CSMD3: variants seen among roughly 807,000 people sequenced by gnomAD.
The protein encoded by CSMD3 is CUB and Sushi multiple domains 3.
CSMD3 carries 177 observed loss-of-function variants against 435.2 expected under a neutral mutation model. That is an observed-to-expected ratio of 0.41 (90% CI 0.36 to 0.46). The LOEUF (loss-of-function observed/expected upper bound fraction) is 0.46. CSMD3 is among the 20% of genes least tolerant of loss of function. CSMD3 has a pLI of 0.34. For synonymous variants in CSMD3, 1,656 were observed against 1,520.5 expected (o/e 1.09, Z -2.07); for missense variants, 4,265 against 4,504.6 (o/e 0.95, Z 1.52).
At chr8:113,323,928 A>T (rs532682371) in intron 1 of CSMD3, among the ~76,000 whole-genome samples, 1 of 152,318 alleles carries the variant, frequency 6.6e-6, no homozygotes, top group South Asian at 2.1e-4. Context: ...TCAATACATG[A>T]ATGAATGAAT....
At chr8:113,233,726 G>T (rs1017082568) in intron 3 of CSMD3, among the ~76,000 whole-genome samples, 33 of 151,716 alleles carry the variant, frequency 2.2e-4, no homozygotes, top group African/African-American at 7.7e-4. Flanking sequence ...ATAAAAAAAT[G>T]CAACTTGAAA....
At position 112,947,808 on chromosome 8, in the gene CSMD3, C is replaced by T. The variant is rs144548295; in HGVS notation, c.1490G>A (p.Arg497Lys). 1 of 1,441,314 alleles carries T rather than the reference C, an allele frequency of 6.9e-7. No individual in the cohort carries two copies. The highest frequency in any genetic ancestry group is 1.7e-5 in the Admixed American group (1 of 59,462). 89.3% of individuals were successfully genotyped at this position (1,441,314 alleles called of 1,614,324 possible). Residue 497 changes from arginine to lysine, a missense_variant, in exon 9 of 71, where the codon AGA becomes AAA. Around this residue, in one of 3 missense-constraint regions of CSMD3, gnomAD observed 731 missense variants for 755.4 expected, o/e 0.97. Transcript: ENST00000297405. ...PDPGEPENGKRIGSDFSLGST... is the reference protein window; with the variant it reads ...PDPGEPENGKKIGSDFSLGST... ...ATATTACCTAAAATCTGATCCGATT[C>T]TCTTCCCATTTTCTGGTTCTCCTGG...
intron 1 of CSMD3, among the ~76,000 whole-genome samples, chr8:113,342,558 C>G (rs1177509482): frequency 1.3e-5 from 2 of 152,032 alleles, no homozygotes. Flanking sequence ...ACACTAGGAA[C>G]CTTGCAAGTA....
rs1458194195 is a variant in CSMD3 at position 112,332,173 on chromosome 8, C to A, written c.7165+3156G>T. On this transcript the variant is annotated intron_variant, in intron 45 of 70. Coordinates refer to ENST00000297405, the MANE Select transcript of CSMD3 (RefSeq NM_198123.2). ...ACAAGAAATTTGTATCCTCAAAAAA[C>A]AGTCAATAAACTCCTAAGGCTTATA... Among the ~76,000 whole-genome samples, 8 of 152,038 alleles carry A rather than the reference C, an allele frequency of 5.3e-5. No homozygotes were observed. The East Asian group carries it at 1.3e-3, about 26-fold the overall frequency.
chr8:112,888,500 G>A (rs1196748048), intron 10 of CSMD3, among the ~76,000 whole-genome samples: 2 of 151,612 alleles, frequency 1.3e-5, no homozygotes, highest in African/African-American at 2.4e-5. Flanking sequence ...GGGAACAGGT[G>A]AGGCGTTGAA....
intron 5 of CSMD3, among the ~76,000 whole-genome samples, chr8:113,071,315 G>A (rs2089106197): frequency 6.6e-6 from 1 of 151,988 alleles, no homozygotes; most frequent in East Asian, 1.9e-4. Flanking sequence ...TCTTTGAGGT[G>A]CAGAAACTTC....
At chr8:112,587,639 A>G (rs1384067616) in intron 22 of CSMD3, among the ~76,000 whole-genome samples, 1 of 151,868 alleles carries the variant, frequency 6.6e-6, no homozygotes, top group East Asian at 1.9e-4. Context: ...CTTTTAAAAC[A>G]TTTTTACCTT....
At chr8:112,750,268 A>G (rs1482929756) in intron 13 of CSMD3, among the ~76,000 whole-genome samples, 1 of 151,632 alleles carries the variant, frequency 6.6e-6, no homozygotes, top group Non-Finnish European at 1.5e-5. Context: ...TTTTAAAATT[A>G]TATTATTGTA....
intron 13 of CSMD3, among the ~76,000 whole-genome samples, chr8:112,773,735 T>C (rs2078178121): frequency 1.3e-5 from 2 of 152,050 alleles, no homozygotes; most frequent in East Asian, 1.9e-4. Flanking sequence ...GGGAAAGTTT[T>C]GGCAAATTAA....
chr8:113,162,738 G>T (rs556769405), intron 4 of CSMD3, among the ~76,000 whole-genome samples: 1 of 151,760 alleles, frequency 6.6e-6, no homozygotes, highest in Middle Eastern at 3.2e-3. Flanking sequence ...TTATAGCCTG[G>T]GTGCAAAGAC....
intron 5 of CSMD3, among the ~76,000 whole-genome samples, chr8:113,037,890 G>C (rs1456963343): frequency 6.6e-6 from 1 of 152,104 alleles, no homozygotes; most frequent in Non-Finnish European, 1.5e-5. Flanking sequence ...ATATAATAAA[G>C]GGGTTATTTA....
intron 13 of CSMD3, among the ~76,000 whole-genome samples, chr8:112,720,314 T>A (rs1712925827): frequency 1.4e-5 from 1 of 69,532 alleles, no homozygotes; most frequent in Admixed American, 1.3e-4. Flanking sequence ...TTTTTTCTTT[T>A]CTTTTCTTTT....
At chr8:112,516,457 A>G (rs1823681412) in intron 28 of CSMD3, among the ~76,000 whole-genome samples, 1 of 152,148 alleles carries the variant, frequency 6.6e-6, no homozygotes, top group Non-Finnish European at 1.5e-5. Flanking sequence ...CTCAGACCAA[A>G]TCATAATTTG....
At chr8:113,415,679 A>G (rs1343597978) in intron 1 of CSMD3, among the ~76,000 whole-genome samples, 2 of 152,112 alleles carry the variant, frequency 1.3e-5, no homozygotes, top group South Asian at 4.1e-4. Context: ...CTATTTTAAA[A>G]TAATGCTTAG....
intron 1 of CSMD3, among the ~76,000 whole-genome samples, chr8:113,339,775 A>G (rs1325225028): frequency 6.6e-6 from 1 of 151,882 alleles, no homozygotes; most frequent in Non-Finnish European, 1.5e-5. Context: ...TTTGCTGTAC[A>G]TATTTGGACA....
chr8:112,571,246 A>C (rs1829489074), intron 24 of CSMD3, among the ~76,000 whole-genome samples: 1 of 152,060 alleles, frequency 6.6e-6, no homozygotes, highest in Non-Finnish European at 1.5e-5. Context: ...ACCTCAGGTG[A>C]TCTGCCTGCC....
rs191929558 is a variant in CSMD3 at position 112,468,556 on chromosome 8, C to T, written c.5395+4035G>A. On this transcript the variant is annotated intron_variant, in intron 32 of 70. Transcript: ENST00000297405. ...TAATACATATTAACAAAAAATTTTC[C>T]CTCTGACAATGTTAACAGTTCTCTT... 2.6e-3 allele frequency among the ~76,000 whole-genome samples: 398 copies of T among 152,046 alleles called. 1 individual carries two copies. The highest frequency in any genetic ancestry group is 4.6e-3 in the Non-Finnish European group (311 of 67,948).
At chr8:112,370,047 A>G (rs796464277) in intron 38 of CSMD3, among the ~76,000 whole-genome samples, 4 of 76,056 alleles carry the variant, frequency 5.3e-5, no homozygotes, top group African/African-American at 9.3e-5. Flanking sequence ...AAGAAGAAGA[A>G]GAAGAAGAAG....
At chr8:113,219,381 G>A (rs2092942041) in intron 3 of CSMD3, among the ~76,000 whole-genome samples, 1 of 151,042 alleles carries the variant, frequency 6.6e-6, no homozygotes. Flanking sequence ...CTGCAAATTA[G>A]CAAATAGAAC....
Sources: gnomAD v4.1 joint callset for allele counts (sites outside exome capture counted in the v4.1 genomes callset) on GRCh38, gnomAD v4.1.1 for gene constraint, gnomAD v4.1.1 regional missense constraint, MANE v1.5 for transcripts, NCBI Gene and HGNC (gene_info 2026-07-23, HGNC 2026-07-21) for gene names.